Variants in TULP4 observed in about 807,000 individuals in gnomAD.
The protein encoded by TULP4 is tubby-related protein 4.
Under a neutral mutation model 129.0 loss-of-function variants are expected in TULP4, and 16 were observed. The ratio of observed to expected loss-of-function variants is 0.12; its 90% confidence interval spans 0.08 to 0.19. The LOEUF is 0.19. TULP4 is among the 10% of genes least tolerant of loss of function. The probability of loss-of-function intolerance (pLI) is 1.00; values close to 1 mark genes in which losing one functional copy is unlikely to be tolerated. For missense variants in TULP4, 1,842 were observed against 2,059.1 expected (o/e 0.89, Z 2.04); for synonymous variants, 998 against 854.0 (o/e 1.17, Z -2.94).
At chr6:158,342,472 G>A (rs577269103) in intron 1 of TULP4, among the ~76,000 whole-genome samples, 49 of 152,262 alleles carry the variant, frequency 3.2e-4, no homozygotes, top group South Asian at 8.3e-4. Flanking sequence ...GTTGTCTCTG[G>A]AAGGAAAAAT....
At chr6:158,237,753 G>A (rs1777744071) in intron 1 of TULP4, 2 of 823,528 alleles carry the variant, frequency 2.4e-6, no homozygotes, top group Non-Finnish European at 4.4e-6. Flanking sequence ...CCTTCCAAAT[G>A]TATGTAGCAC....
At chr6:158,387,157 G>A (rs1180511339) in intron 1 of TULP4, among the ~76,000 whole-genome samples, 2 of 151,888 alleles carry the variant, frequency 1.3e-5, no homozygotes, top group African/African-American at 4.9e-5. Flanking sequence ...AGCACTGTAA[G>A]TGTGATGGCT....
intron 13 of TULP4, among the ~76,000 whole-genome samples, chr6:158,505,272 G>C: frequency 6.6e-6 from 1 of 152,126 alleles, no homozygotes; most frequent in South Asian, 2.1e-4. Context: ...TCACGTTTTC[G>C]TTAATTCACT....
chr6:158,430,956 T>C (rs1778614900), intron 3 of TULP4, among the ~76,000 whole-genome samples: 1 of 152,148 alleles, frequency 6.6e-6, no homozygotes, highest in Non-Finnish European at 1.5e-5. Context: ...TGCTTTCCTC[T>C]AGTCACTATA....
Position 158,494,858 on chromosome 6 carries a change from GTCC to G in TULP4, c.1870+15_1870+17del. The G allele has an allele frequency of 6.2e-7, 1 of 1,611,972 alleles. No homozygotes were observed. Among genetic ancestry groups the G allele is most frequent in the Non-Finnish European group, 8.5e-7 (1 of 1,178,252 alleles). On this transcript the variant is annotated intron_variant, in intron 11 of 13. Coordinates refer to ENST00000367097, the MANE Select transcript of TULP4 (RefSeq NM_020245.5). The stretch of plus-strand genomic sequence containing the variant: ...CAACCTCGGTGCAGGTAAAAATCAT[GTCC>G]TCTTCTCTCATTGTCCCAGTTGGAA...
intron 3 of TULP4, among the ~76,000 whole-genome samples, chr6:158,437,353 A>G (rs902794742): frequency 2.6e-5 from 4 of 152,168 alleles, no homozygotes; most frequent in African/African-American, 9.6e-5. Flanking sequence ...CTTGAGGCCA[A>G]GAGTTCAAGA....
chr6:158,338,798 GGAAT>G (rs1421816447), intron 1 of TULP4, among the ~76,000 whole-genome samples: 1 of 152,148 alleles, frequency 6.6e-6, no homozygotes, highest in African/African-American at 2.4e-5. Context: ...CTGCAGGTGG[GGAAT>G]GATCACATTT....
intron 5 of TULP4, among the ~76,000 whole-genome samples, chr6:158,454,383 C>T: frequency 6.6e-6 from 1 of 152,070 alleles, no homozygotes; most frequent in Admixed American, 6.6e-5. Context: ...ATTTTTAAAC[C>T]TTTAAACCAA....
chr6:158,355,843 A>G (rs1282995860), intron 1 of TULP4, among the ~76,000 whole-genome samples: 3 of 152,244 alleles, frequency 2.0e-5, no homozygotes, highest in African/African-American at 7.2e-5. Flanking sequence ...TACATGCAAC[A>G]ACATGGATTA....
chr6:158,377,639 C>T (rs1399767993), intron 1 of TULP4, among the ~76,000 whole-genome samples: 1 of 152,156 alleles, frequency 6.6e-6, no homozygotes, highest in East Asian at 1.9e-4. Flanking sequence ...TGATAGGGCT[C>T]CTGCCTTTGA....
intron 1 of TULP4, among the ~76,000 whole-genome samples, chr6:158,334,673 C>T (rs1779991546): frequency 6.6e-6 from 1 of 152,154 alleles, no homozygotes; most frequent in Admixed American, 6.5e-5. Flanking sequence ...ACCCTCTACT[C>T]CCCTTTCAGT....
At chr6:158,441,088 G>T (rs909113031) in intron 3 of TULP4, among the ~76,000 whole-genome samples, 14 of 152,126 alleles carry the variant, frequency 9.2e-5, no homozygotes, top group African/African-American at 3.4e-4. Context: ...AGGCTGAGGG[G>T]GTGGATCACC....
intron 1 of TULP4, among the ~76,000 whole-genome samples, chr6:158,321,415 C>T (rs960656365): frequency 6.6e-6 from 1 of 152,162 alleles, no homozygotes; most frequent in Non-Finnish European, 1.5e-5. Flanking sequence ...AGATACCTCT[C>T]TCTGTCTGCC....
chr6:158,260,756 G>C (rs1009061948), intron 1 of TULP4, among the ~76,000 whole-genome samples: 1 of 152,044 alleles, frequency 6.6e-6, no homozygotes, highest in Non-Finnish European at 1.5e-5. Flanking sequence ...TGGGGAGGTG[G>C]AAGGGACACA....
chr6:158,264,859 A>T (rs1665862281), intron 1 of TULP4, among the ~76,000 whole-genome samples: 1 of 152,002 alleles, frequency 6.6e-6, no homozygotes, highest in African/African-American at 2.4e-5. Context: ...CTTGAACCAT[A>T]CCTCTGCATC....
intron 1 of TULP4, among the ~76,000 whole-genome samples, chr6:158,357,129 G>T (rs1259472621): frequency 2.6e-5 from 4 of 152,194 alleles, no homozygotes; most frequent in Admixed American, 1.3e-4. Context: ...TGGGCAGCAC[G>T]GCCCCTAGCT....
rs544586485 is a variant in TULP4 at position 158,437,983 on chromosome 6, A to T, written c.543+8086A>T. ...AGGGGTGAACCGGCTCAAGTCAGAA[A>T]CTCCCATTAAAACAGGTTAAAACTC... On this transcript the variant is annotated intron_variant, in intron 3 of 13. Coordinates refer to ENST00000367097, the MANE Select transcript of TULP4 (RefSeq NM_020245.5). The T allele has an allele frequency of 2.6e-5, 4 of 152,132 alleles. No homozygotes were observed. The East Asian group carries it at 7.7e-4, about 29-fold the overall frequency. 9.4% of individuals were successfully genotyped at this position (152,132 alleles called of 1,614,324 possible). A position where few individuals can be genotyped will look rare whatever the true frequency, so the allele number is the denominator to read the frequency against.
chr6:158,301,316 C>T (rs915070634), intron 1 of TULP4, among the ~76,000 whole-genome samples: 10 of 152,088 alleles, frequency 6.6e-5, no homozygotes, highest in African/African-American at 2.4e-4. Flanking sequence ...CATCAGTGAA[C>T]ACTGTAATGG....
chr6:158,351,625 T>C (rs890944356), intron 1 of TULP4, among the ~76,000 whole-genome samples: 1 of 151,380 alleles, frequency 6.6e-6, no homozygotes, highest in Non-Finnish European at 1.5e-5. Flanking sequence ...ACACCTTATG[T>C]AACTCAGGGA....
Sources: allele counts gnomAD v4.1 joint callset (sites outside exome capture counted in the v4.1 genomes callset), GRCh38; gene constraint gnomAD v4.1.1; transcripts MANE v1.5; gene names NCBI Gene and HGNC (gene_info 2026-07-23, HGNC 2026-07-21).